Variants in MYO1E observed in about 807,000 individuals in gnomAD.
MYO1E encodes the protein unconventional myosin-Ie.
In MYO1E, 68 loss-of-function variants were observed where a neutral mutation model predicts 151.1. That is an observed-to-expected ratio of 0.45 (90% CI 0.37 to 0.55). The LOEUF (loss-of-function observed/expected upper bound fraction) is 0.55, where lower values mean the gene tolerates loss of function less well. Among genes scored for constraint, MYO1E ranks in the 20% least tolerant of loss-of-function variants. MYO1E has a pLI of 0.00. For missense variants in MYO1E, 1,363 were observed against 1,389.3 expected, an observed-to-expected ratio of 0.98 and a Z score of 0.30; for synonymous variants, 601 against 501.7, an observed-to-expected ratio of 1.20 and a Z score of -2.64.
At chr15:59,249,795 C>G (rs933759829) in intron 4 of MYO1E, among the ~76,000 whole-genome samples, 1 of 152,192 alleles carries the variant, frequency 6.6e-6, no homozygotes, top group South Asian at 2.1e-4. Context: ...TTTCTGCTCA[C>G]AAACACATTT....
chr15:59,270,151 A>T (rs1236044136), intron 2 of MYO1E, among the ~76,000 whole-genome samples: 1 of 152,228 alleles, frequency 6.6e-6, no homozygotes, highest in Non-Finnish European at 1.5e-5. Flanking sequence ...ATATTTCAAA[A>T]TTGTGGAGTA....
intron 1 of MYO1E, among the ~76,000 whole-genome samples, chr15:59,358,989 C>A (rs1449018079): frequency 6.6e-6 from 1 of 152,132 alleles, no homozygotes; most frequent in Non-Finnish European, 1.5e-5. Flanking sequence ...CCATGAACCA[C>A]ATTGGGGATT....
At position 59,217,985 on chromosome 15, in the gene MYO1E, G is replaced by A. The variant is rs753176823; in HGVS notation, c.1013C>T (p.Ser338Phe). The A allele has an allele frequency of 1.9e-6, 3 of 1,614,134 alleles. No homozygotes were observed. Among genetic ancestry groups the A allele is most frequent in the African/African-American group, 1.3e-5 (1 of 74,946 alleles). Reference sequence around the variant, plus strand: ...CTCTACGTTGAGGGTCACGTGGATGGATTCGGATTTGCCTCCCCACTTGCT... The same window carrying A: ...CTCTACGTTGAGGGTCACGTGGATGAATTCGGATTTGCCTCCCCACTTGCT... ...MDSKWGGKSE[S>F]IHVTLNVEQA... Residue 338 changes from serine (S) to phenylalanine (F), a missense_variant, in exon 10 of 28, where the codon TCC becomes TTC. Coordinates refer to ENST00000288235, the MANE Select transcript of MYO1E (RefSeq NM_004998.4).
intron 26 of MYO1E, among the ~76,000 whole-genome samples, chr15:59,147,692 T>C (rs1243165340): frequency 6.6e-6 from 1 of 151,582 alleles, no homozygotes; most frequent in Admixed American, 6.6e-5. Context: ...CATCTTCAAA[T>C]TGTCCAAATG....
At chr15:59,142,349 G>T (rs2140300480) in intron 26 of MYO1E, among the ~76,000 whole-genome samples, 1 of 152,176 alleles carries the variant, frequency 6.6e-6, no homozygotes, top group Non-Finnish European at 1.5e-5. Context: ...TTAGATACAG[G>T]GTCCTCCTGC....
chr15:59,308,073 A>G lies in MYO1E; in HGVS notation c.4-35624T>C, dbSNP rs188214350. 5.9e-3 allele frequency among the ~76,000 whole-genome samples: 893 copies of G among 150,386 alleles called. 3 individuals carry two copies. The highest frequency in any genetic ancestry group is 0.01 in the Non-Finnish European group (707 of 67,442). The stretch of plus-strand genomic sequence containing the variant: ...CTCTATTAAAAAACAAAAAACAAAA[A>G]TTAGCCGGATGTGGTGGCATGCATC... On this transcript the variant is annotated intron_variant, in intron 1 of 27. Transcript: ENST00000288235.
chr15:59,193,800 G>C (rs2079748833), intron 17 of MYO1E, among the ~76,000 whole-genome samples: 1 of 152,106 alleles, frequency 6.6e-6, no homozygotes, highest in Non-Finnish European at 1.5e-5. Flanking sequence ...CTCCTCATCC[G>C]GGCCTGAATA....
intron 18 of MYO1E, among the ~76,000 whole-genome samples, chr15:59,187,548 G>C (rs1421214086): frequency 1.3e-5 from 2 of 152,224 alleles, no homozygotes; most frequent in African/African-American, 4.8e-5. Context: ...GTTAAATGCA[G>C]AGTTACCATA....
intron 26 of MYO1E, among the ~76,000 whole-genome samples, chr15:59,145,866 A>G (rs1241982181): frequency 1.3e-5 from 2 of 152,196 alleles, no homozygotes; most frequent in African/African-American, 4.8e-5. Flanking sequence ...GGAAACTGGT[A>G]AATGTTACAG....
At chr15:59,220,925 T>TAAAA (rs59578227) in intron 9 of MYO1E, among the ~76,000 whole-genome samples, 2 of 77,934 alleles carry the variant, frequency 2.6e-5, no homozygotes, top group African/African-American at 4.8e-5. Context: ...CCCCATCTCT[T>TAAAA]AAAAAAAAAA....
intron 25 of MYO1E, among the ~76,000 whole-genome samples, chr15:59,157,067 A>G (rs1181519730): frequency 3.0e-5 from 4 of 133,598 alleles, no homozygotes; most frequent in Non-Finnish European, 3.2e-5. Context: ...TACAAAGAGT[A>G]AAAAAAAAAA....
At chr15:59,169,975 C>T (rs900323743) in intron 22 of MYO1E, among the ~76,000 whole-genome samples, 3 of 152,054 alleles carry the variant, frequency 2.0e-5, no homozygotes, top group Admixed American at 6.6e-5. Context: ...GCCTGGCCAA[C>T]GTGGTGAAAC....
intron 4 of MYO1E, among the ~76,000 whole-genome samples, chr15:59,252,403 T>G (rs931376632): frequency 6.6e-6 from 1 of 151,676 alleles, no homozygotes; most frequent in Admixed American, 6.6e-5. Context: ...GCTAACATGG[T>G]GAAACCCTGT....
intron 1 of MYO1E, among the ~76,000 whole-genome samples, chr15:59,363,420 GGT>G (rs2080896747): frequency 6.6e-6 from 1 of 152,010 alleles, no homozygotes; most frequent in Non-Finnish European, 1.5e-5. Flanking sequence ...TATCCCCTCT[GGT>G]ATTACTGAAT....
intron 16 of MYO1E, among the ~76,000 whole-genome samples, chr15:59,195,827 GAAC>G (rs1252845996): frequency 1.3e-5 from 2 of 152,082 alleles, no homozygotes; most frequent in East Asian, 1.9e-4. Context: ...TAATAAAATA[GAAC>G]AACAACAAAA....
At chr15:59,308,333 C>T (rs184901813) in intron 1 of MYO1E, among the ~76,000 whole-genome samples, 378 of 148,118 alleles carry the variant, frequency 2.6e-3, no homozygotes, top group Non-Finnish European at 4.2e-3. Context: ...GTCAGGAGTT[C>T]GAGACCAGCA....
intron 1 of MYO1E, among the ~76,000 whole-genome samples, chr15:59,276,931 C>T (rs1385636108): frequency 1.3e-5 from 2 of 152,188 alleles, no homozygotes; most frequent in African/African-American, 2.4e-5. Flanking sequence ...CACGCGGCAG[C>T]GGTTCTGCAA....
At chr15:59,353,892 C>CT (rs1243782025) in intron 1 of MYO1E, among the ~76,000 whole-genome samples, 5 of 152,166 alleles carry the variant, frequency 3.3e-5, no homozygotes, top group Non-Finnish European at 7.3e-5. Context: ...ACACATTAAT[C>CT]TTTTAACTCC....
intron 17 of MYO1E, among the ~76,000 whole-genome samples, chr15:59,193,406 T>C (rs887645195): frequency 1.6e-4 from 24 of 152,160 alleles, no homozygotes; most frequent in African/African-American, 5.8e-4. Flanking sequence ...GGTGTAAGCA[T>C]TTTACATCTT....
Sources: allele counts gnomAD v4.1 joint callset (sites outside exome capture counted in the v4.1 genomes callset), GRCh38; gene constraint gnomAD v4.1.1; transcripts MANE v1.5; gene names NCBI Gene and HGNC (gene_info 2026-07-23, HGNC 2026-07-21).